The following SLCO1C1 variants were observed in gnomAD, a reference collection of about 807,000 sequenced individuals.
The protein encoded by SLCO1C1 is OAT-RP-5.
SLCO1C1 carries 70 observed loss-of-function variants against 76.4 expected under a neutral mutation model. The ratio of observed to expected loss-of-function variants is 0.92; its 90% CI spans 0.76 to 1.12. The LOEUF (loss-of-function observed/expected upper bound fraction) is 1.12, where lower values mean the gene tolerates loss of function less well. SLCO1C1 is among the 50% of genes most tolerant of loss of function. The pLI is 0.00. For synonymous variants in SLCO1C1, 306 were observed against 286.1 expected, an observed-to-expected ratio of 1.07 and a Z score of -0.70; for missense variants, 912 against 823.8, an observed-to-expected ratio of 1.11 and a Z score of -1.31.
chr12:20,701,570 A>AAC, intron 3 of SLCO1C1, 111 bp downstream of exon 3: 31 of 735,710 alleles, frequency 4.2e-5, no homozygotes, highest in South Asian at 1.1e-4. Flanking sequence ...TATTCATAAA[A>AAC]TCTTTTTTTT....
intron 9 of SLCO1C1, among the ~76,000 whole-genome samples, chr12:20,724,882 T>A (rs1565524318): frequency 1.4e-5 from 2 of 145,664 alleles, no homozygotes; most frequent in African/African-American, 5.0e-5. Flanking sequence ...TAATTTCATA[T>A]ACTATGAAAA....
rs2074378837 is a variant in SLCO1C1 at position 20,699,486 on chromosome 12, G to T, written c.-25-66G>T. Reference sequence around the variant, plus strand: ...GTCTATAGAATTGTGGTATACTGTTGAATAAAAAAATTTAATAAATTGCGT... The same window carrying T: ...GTCTATAGAATTGTGGTATACTGTTTAATAAAAAAATTTAATAAATTGCGT... On this transcript the variant is annotated intron_variant, in intron 1 of 14. Coordinates refer to ENST00000266509, the MANE Select transcript of SLCO1C1 (RefSeq NM_017435.5). 4.5e-6 allele frequency: 6 copies of T among 1,322,338 alleles called. No individual in the cohort carries two copies. In the South Asian group the frequency reaches 1.0e-4, roughly 22 times the overall value. The allele number at this position is 1,322,338 out of a possible 1,614,324, so 81.9% of individuals were successfully genotyped here. A position where few individuals can be genotyped will look rare whatever the true frequency, so the allele number is the denominator to read the frequency against.
chr12:20,752,733 T>C lies in SLCO1C1; in HGVS notation c.*205T>C, dbSNP rs931683603. On this transcript the variant is annotated 3_prime_UTR_variant, in exon 15 of 15. Transcript: ENST00000266509. ...GCAGATGATAAAACTAATTTTGAAC[T>C]TTTTAATTTATATAAATTATTTTAT... 2.5e-5 allele frequency: 9 copies of C among 365,132 alleles called. No homozygotes were observed. Among genetic ancestry groups the C allele is most frequent in the Non-Finnish European group, 4.4e-5 (9 of 206,716 alleles). 22.6% of individuals were successfully genotyped at this position (365,132 alleles called of 1,614,324 possible).
intron 9 of SLCO1C1, among the ~76,000 whole-genome samples, chr12:20,732,603 C>CACCTAATT (rs921648485): frequency 3.5e-4 from 53 of 152,292 alleles, no homozygotes; most frequent in African/African-American, 1.3e-3. Flanking sequence ...CATTAATGGG[C>CACCTAATT]ACCTAATTGC....
rs754978051 is a variant in SLCO1C1, at chr12:20,723,188, A to T, written c.1120A>T (p.Thr374Ser). Reference protein sequence around the residue: ...VQFNSLFGMVTYKPKYIEQQY... With the variant: ...VQFNSLFGMVSYKPKYIEQQY... ...GTTCAATTCTCTGTTCGGCATGGTG[A>T]CGTACAAACCAAAGTACATTGAGCA... Residue 374 changes from threonine to serine, a missense_variant, in exon 9 of 15, where the codon ACG becomes TCG. By Grantham distance (58) the Thr-to-Ser change is moderately conservative. Coordinates refer to ENST00000266509, the MANE Select transcript of SLCO1C1 (RefSeq NM_017435.5). 1.2e-6 allele frequency: 2 copies of T among 1,614,172 alleles called. No individual in the cohort carries two copies. Among genetic ancestry groups the T allele is most frequent in the South Asian group, 2.2e-5 (2 of 91,076 alleles).
Position 20,752,594 on chromosome 12 carries a change from C to A in SLCO1C1, c.*66C>A. 2.3e-6 allele frequency: 3 copies of A among 1,305,068 alleles called. No individual in the cohort carries two copies. The highest frequency in any genetic ancestry group is 3.1e-6 in the Non-Finnish European group (3 of 960,820). 80.8% of individuals were successfully genotyped at this position (1,305,068 alleles called of 1,614,324 possible). ...ATTTTGCAAACAAATAAATTGTAAT[C>A]AAAAGAGCTCTAAATTTGTAATTTC... is the stretch of plus-strand genomic sequence containing the variant. On this transcript the variant is annotated 3_prime_UTR_variant, in exon 15 of 15. Transcript: ENST00000266509.
intron 7 of SLCO1C1, among the ~76,000 whole-genome samples, chr12:20,718,261 TATA>T (rs1463291585): frequency 5.3e-5 from 8 of 152,150 alleles, no homozygotes; most frequent in African/African-American, 1.9e-4. Flanking sequence ...TTTTACCCAG[TATA>T]ATGCAGTGGC....
At chr12:20,723,917 TA>T (rs1947803405) in intron 9 of SLCO1C1, among the ~76,000 whole-genome samples, 1 of 152,122 alleles carries the variant, frequency 6.6e-6, no homozygotes, top group Non-Finnish European at 1.5e-5. Flanking sequence ...ACTCCAGTGG[TA>T]TAAAATAATT....
At chr12:20,728,564 G>A (rs1275266749) in intron 9 of SLCO1C1, among the ~76,000 whole-genome samples, 1 of 151,458 alleles carries the variant, frequency 6.6e-6, no homozygotes, top group Non-Finnish European at 1.5e-5. Flanking sequence ...AAAAAATTAA[G>A]AGAATAATTT....
intron 13 of SLCO1C1, among the ~76,000 whole-genome samples, chr12:20,745,171 A>C (rs1948986116): frequency 6.6e-6 from 1 of 152,176 alleles, no homozygotes; most frequent in South Asian, 2.1e-4. Context: ...AAGAGGGATA[A>C]ATTTCAGGAT....
At chr12:20,700,171 A>G (rs1946455377) in intron 2 of SLCO1C1, 1 of 152,010 alleles carries the variant, frequency 6.6e-6, no homozygotes, top group African/African-American at 2.4e-5. Flanking sequence ...TTTTCCAAAG[A>G]GACTACATCA....
At chr12:20,698,927 T>G (rs1395623328) in intron 1 of SLCO1C1, among the ~76,000 whole-genome samples, 1 of 152,012 alleles carries the variant, frequency 6.6e-6, no homozygotes, top group Admixed American at 6.6e-5. Context: ...GGCTGTCTTT[T>G]TTACTTTAAG....
In SLCO1C1 at chr12:20,697,708, T is replaced by C. The variant is rs575172170; in HGVS notation, c.-25-1844T>C. ...ATGTGGTAATTTAGGTGAATAAATTTCCTGTAATTAACCAATTGTTGCATC... is the reference window on the plus strand; with the variant it reads ...ATGTGGTAATTTAGGTGAATAAATTCCCTGTAATTAACCAATTGTTGCATC... On this transcript the variant is annotated intron_variant, in intron 1 of 14. Transcript: ENST00000266509. Among the ~76,000 whole-genome samples, 9 of 152,212 alleles carry C rather than the reference T, an allele frequency of 5.9e-5. No homozygotes were observed. In the South Asian group the frequency reaches 1.9e-3, roughly 32 times the overall value.
Position 20,740,228 on chromosome 12 carries a change from C to T in SLCO1C1, c.1593C>T (p.Ser531=), listed in dbSNP as rs754125674. 2.5e-5 allele frequency: 41 copies of T among 1,613,102 alleles called. No homozygotes were observed. The highest frequency in any genetic ancestry group is 9.9e-5 in the South Asian group (9 of 90,870). ...GTGTGGGAATTGCAGCTTCTAAATC[C>T]GGAAATTCCTCAGGCATAGTGGGAA... is the stretch of plus-strand genomic sequence containing the variant. ...CTCVGIAASK[S]GNSSGIVGRC... is the part of the protein sequence containing the mutation. Residue 531 remains serine (S), a synonymous_variant, in exon 12 of 15, where the codon TCC becomes TCT. Coordinates refer to ENST00000266509, the MANE Select transcript of SLCO1C1 (RefSeq NM_017435.5).
chr12:20,738,543 G>C (rs1448759856), intron 11 of SLCO1C1, among the ~76,000 whole-genome samples: 1 of 152,140 alleles, frequency 6.6e-6, no homozygotes. Flanking sequence ...CAGCAGAAAG[G>C]ATTGGTTTCT....
chr12:20,704,318 G>T (rs367678938), intron 3 of SLCO1C1, among the ~76,000 whole-genome samples: 1 of 118,904 alleles, frequency 8.4e-6, no homozygotes, highest in Non-Finnish European at 1.8e-5. Context: ...ACGTAACACA[G>T]AAATAGCTTG....
chr12:20,700,862 T>G (rs1946489025), intron 2 of SLCO1C1, among the ~76,000 whole-genome samples: 1 of 152,054 alleles, frequency 6.6e-6, no homozygotes. Flanking sequence ...ACTTTTTCAG[T>G]CTGTACATTA....
chr12:20,743,362 A>C lies in SLCO1C1; in HGVS notation c.1791A>C (p.Arg597Ser). The change falls in exon 13 of 15, where the codon AGA (arginine) becomes AGC (serine). Residue 597 changes from arginine (R) to serine (S), a missense_variant. Arg to Ser is a moderately radical substitution (Grantham distance 110). Coordinates refer to ENST00000266509, the MANE Select transcript of SLCO1C1 (RefSeq NM_017435.5). Reference protein sequence around the residue: ...FALGIYTLAIRVLAGIPAPVY... With the variant: ...FALGIYTLAISVLAGIPAPVY... ...TGGGTATCTACACATTAGCAATAAGAGTTCTTGGTAAGTTTAACCTATGCT... is the reference window on the plus strand; with the variant it reads ...TGGGTATCTACACATTAGCAATAAGCGTTCTTGGTAAGTTTAACCTATGCT... The C allele has an allele frequency of 6.2e-7, 1 of 1,612,294 alleles. No individual in the cohort carries two copies. The highest frequency in any genetic ancestry group is 8.5e-7 in the Non-Finnish European group (1 of 1,178,838).
rs1946223601 is a variant in SLCO1C1, at chr12:20,695,345, C to A, written c.-488C>A. The A allele has an allele frequency of 6.6e-6, 1 of 152,090 alleles. No homozygotes were observed. The highest frequency in any genetic ancestry group is 2.4e-5 in the African/African-American group (1 of 41,412). 9.4% of individuals were successfully genotyped at this position (152,090 alleles called of 1,614,324 possible). A position where few individuals can be genotyped will look rare whatever the true frequency, so the allele number is the denominator to read the frequency against. On this transcript the variant is annotated 5_prime_UTR_variant, in exon 1 of 15. Transcript: ENST00000266509. ...CTGGCTTCTGTTCCTTACCCTCTGC[C>A]CCCTGCGGAGTTGTGTTTTCTGGGA...
Sources: gnomAD v4.1 joint callset for allele counts (sites outside exome capture counted in the v4.1 genomes callset) on GRCh38, gnomAD v4.1.1 for gene constraint, MANE v1.5 for transcripts, NCBI Gene and HGNC (gene_info 2026-07-23, HGNC 2026-07-21) for gene names.